SETBP1: variants seen among roughly 807,000 people sequenced by gnomAD.
SETBP1 encodes SET binding protein 1.
Under a neutral mutation model 101.0 loss-of-function variants are expected in SETBP1, and 9 were observed. The ratio of observed to expected loss-of-function variants is 0.09; its 90% CI spans 0.05 to 0.16. The LOEUF is 0.16. Ranked by LOEUF, SETBP1 falls within the 10% of genes least tolerant of loss-of-function variation. The pLI, the probability that SETBP1 is intolerant of heterozygous loss-of-function variation, is 1.00. For missense variants in SETBP1, 1,858 were observed against 2,033.8 expected, an observed-to-expected ratio of 0.91 and a Z score of 1.66; for synonymous variants, 818 against 788.5, an observed-to-expected ratio of 1.04 and a Z score of -0.63.
chr18:44,925,303 A>G (rs868216734), intron 3 of SETBP1, among the ~76,000 whole-genome samples: 13 of 152,156 alleles, frequency 8.5e-5, no homozygotes, highest in Non-Finnish European at 1.6e-4. Context: ...CTGCAAGGGA[A>G]GGAGATTGGA....
chr18:44,979,375 G>T (rs1027241246), intron 4 of SETBP1, among the ~76,000 whole-genome samples: 2 of 152,212 alleles, frequency 1.3e-5, no homozygotes, highest in African/African-American at 4.8e-5. Context: ...TTACTGTAAT[G>T]AAATTCAGTG....
At chr18:44,932,610 C>A (rs564265539) in intron 3 of SETBP1, among the ~76,000 whole-genome samples, 68 of 152,238 alleles carry the variant, frequency 4.5e-4, no homozygotes, top group Non-Finnish European at 9.3e-4. Context: ...TCACATAGTC[C>A]CATATTTCTT....
Position 44,775,103 on chromosome 18 carries a change from A to G in SETBP1, c.486+73271A>G, listed in dbSNP as rs574558460. The stretch of plus-strand genomic sequence containing the variant: ...TTGCATTGCTACTAAAGGTCTCACC[A>G]GAAATCAAAACCTTTAGCCTGTGTC... On this transcript the variant is annotated intron_variant, in intron 2 of 5. Transcript: ENST00000649279. 2.0e-5 allele frequency among the ~76,000 whole-genome samples: 3 copies of G among 152,356 alleles called. No individual in the cohort carries two copies. In the South Asian group the frequency reaches 6.2e-4, roughly 32 times the overall value.
At chr18:44,965,284 AACACACAC>A (rs60728043) in intron 4 of SETBP1, among the ~76,000 whole-genome samples, 88 of 147,128 alleles carry the variant, frequency 6.0e-4, no homozygotes, top group African/African-American at 2.1e-3. Context: ...CATGCACACA[AACACACAC>A]ACACACACAC....
intron 3 of SETBP1, among the ~76,000 whole-genome samples, chr18:44,905,442 C>T (rs910755734): frequency 6.6e-6 from 1 of 152,138 alleles, no homozygotes; most frequent in South Asian, 2.1e-4. Context: ...TACACAGCTC[C>T]TAGCACTATG....
intron 2 of SETBP1, among the ~76,000 whole-genome samples, chr18:44,737,782 G>C (rs1234865697): frequency 5.9e-5 from 9 of 152,246 alleles, no homozygotes; most frequent in Admixed American, 3.9e-4. Flanking sequence ...CTTAGCCTTA[G>C]AAGTGTAGTT....
chr18:44,912,007 A>G (rs1196236288), intron 3 of SETBP1, among the ~76,000 whole-genome samples: 2 of 152,152 alleles, frequency 1.3e-5, no homozygotes, highest in East Asian at 1.9e-4. Context: ...TATAACAGAT[A>G]TAACGAAAAT....
intron 2 of SETBP1, among the ~76,000 whole-genome samples, chr18:44,857,038 TAAGTG>T (rs1476226888): frequency 6.6e-6 from 1 of 152,224 alleles, no homozygotes; most frequent in Non-Finnish European, 1.5e-5. Context: ...TATCTAGTTA[TAAGTG>T]AAGCACAAAC....
At chr18:44,978,255 T>C (rs7244699) in intron 4 of SETBP1, among the ~76,000 whole-genome samples, 138,181 of 152,248 alleles carry the variant, frequency 0.91, 62,881 homozygotes, top group African/African-American at 0.97. Context: ...CCCCGATTTC[T>C]AAGATGCCCC....
At chr18:45,049,977 G>T (rs2073695254) in intron 5 of SETBP1, among the ~76,000 whole-genome samples, 1 of 152,186 alleles carries the variant, frequency 6.6e-6, no homozygotes, top group Non-Finnish European at 1.5e-5. Context: ...AATTAGCTTT[G>T]AAATGAGGCA....
At chr18:45,055,462 T>C (rs193157729) in intron 5 of SETBP1, among the ~76,000 whole-genome samples, 1 of 152,350 alleles carries the variant, frequency 6.6e-6, no homozygotes, top group African/African-American at 2.4e-5. Flanking sequence ...AAAATATTTT[T>C]GTTGCTATCA....
Position 44,766,097 on chromosome 18 carries a change from G to GGT in SETBP1, c.486+64277_486+64278dup, listed in dbSNP as rs373344997. ...ATCTGAAAGGTACTTCCCATTCTGG[G>GGT]GTGTGTGTGTGTGGAATTGCTTCCA... On this transcript the variant is annotated intron_variant, in intron 2 of 5. Transcript: ENST00000649279. 3.3e-5 allele frequency among the ~76,000 whole-genome samples: 5 copies of GGT among 152,116 alleles called. 1 individual carries two copies. Among genetic ancestry groups the GGT allele is most frequent in the South Asian group, 4.1e-4 (2 of 4,820 alleles).
chr18:44,811,856 G>T (rs554003570), intron 2 of SETBP1, among the ~76,000 whole-genome samples: 2 of 152,342 alleles, frequency 1.3e-5, no homozygotes, highest in East Asian at 3.9e-4. Flanking sequence ...TCTTGAGGTG[G>T]TTGGTCTCAA....
intron 3 of SETBP1, among the ~76,000 whole-genome samples, chr18:44,947,576 G>A (rs562677525): frequency 8.9e-5 from 13 of 146,518 alleles, no homozygotes; most frequent in African/African-American, 3.0e-4. Context: ...GCACGATCTC[G>A]GCTCACCACA....
rs757765956 is a variant in SETBP1, at chr18:44,952,912, G to A, written c.3572G>A (p.Ser1191Asn). ...FSSHILSERLSSADKELPLVS... is the reference protein window; with the variant it reads ...FSSHILSERLNSADKELPLVS... ...AGCCACATCCTGAGCGAGCGGCTGA[G>A]TAGCGCAGACAAAGAGCTCCCGCTG... Residue 1191 changes from serine (S) to asparagine (N), a missense_variant, in exon 4 of 6, where the codon AGT (serine) becomes AAT (asparagine). Coordinates refer to ENST00000649279, the MANE Select transcript of SETBP1 (RefSeq NM_015559.3). 1.2e-6 allele frequency: 2 copies of A among 1,614,210 alleles called. No individual in the cohort carries two copies. Among genetic ancestry groups the A allele is most frequent in the Non-Finnish European group, 1.7e-6 (2 of 1,180,036 alleles).
intron 3 of SETBP1, chr18:44,877,153 C>T: frequency 1.0e-6 from 1 of 982,504 alleles, no homozygotes; most frequent in African/African-American, 1.7e-5. Context: ...CTCCAAGCCA[C>T]AGCTGGCCTG....
At chr18:44,838,334 C>T (rs1171399367) in intron 2 of SETBP1, among the ~76,000 whole-genome samples, 2 of 152,168 alleles carry the variant, frequency 1.3e-5, no homozygotes, top group Non-Finnish European at 2.9e-5. Context: ...GCAGTGTCTT[C>T]TTATGGATGT....
chr18:44,951,014 C>A lies in SETBP1; in HGVS notation c.1674C>A (p.Pro558=), dbSNP rs1188088435. 1 of 1,614,012 alleles carries A rather than the reference C, an allele frequency of 6.2e-7. No individual in the cohort carries two copies. Among genetic ancestry groups the A allele is most frequent in the Non-Finnish European group, 8.5e-7 (1 of 1,180,030 alleles). Residue 558 remains proline, a synonymous_variant, in exon 4 of 6, where the codon CCC becomes CCA. Coordinates refer to ENST00000649279, the MANE Select transcript of SETBP1 (RefSeq NM_015559.3). This position sits in a 1 kb window ranked among gnomAD's most constrained non-coding sequence, Gnocchi z 7.8. ...MATSDKLMLE[P]PSAYPITPSS... is the part of the protein sequence containing the mutation. ...CCTCTGATAAACTGATGCTGGAGCC[C>A]CCGTCTGCATATCCCATCACCCCAT...
At chr18:44,738,794 A>G (rs1026342146) in intron 2 of SETBP1, among the ~76,000 whole-genome samples, 2 of 151,788 alleles carry the variant, frequency 1.3e-5, no homozygotes, top group African/African-American at 4.8e-5. Context: ...AAAAAAAAGA[A>G]AAAAGGAAGA....
Sources: allele counts gnomAD v4.1 joint callset (sites outside exome capture counted in the v4.1 genomes callset), GRCh38; gene constraint gnomAD v4.1.1; non-coding constraint Gnocchi (gnomAD v3.1); transcripts MANE v1.5; gene names NCBI Gene and HGNC (gene_info 2026-07-23, HGNC 2026-07-21).